The following MED13L variants were observed in gnomAD, a reference collection of about 807,000 sequenced individuals.
The protein encoded by MED13L is mediator complex subunit 13L.
MED13L carries 7 observed loss-of-function variants against 220.9 expected under a neutral mutation model. The ratio of observed to expected loss-of-function variants is 0.03; its 90% confidence interval spans 0.02 to 0.06. MED13L has a LOEUF of 0.06. Ranked by LOEUF, MED13L falls within the 10% of genes least tolerant of loss-of-function variation. The pLI, the probability that MED13L is intolerant of heterozygous loss-of-function variation, is 1.00. For synonymous variants in MED13L, 1,011 were observed against 1,015.2 expected, an observed-to-expected ratio of 1.00 and a Z score of 0.08; for missense variants, 1,965 against 2,760.5, an observed-to-expected ratio of 0.71 and a Z score of 6.46.
intron 2 of MED13L, among the ~76,000 whole-genome samples, chr12:116,222,893 G>A (rs1347569963): frequency 6.6e-6 from 1 of 152,132 alleles, no homozygotes; most frequent in Admixed American, 6.5e-5. Context: ...AGATTTCATT[G>A]AAAATGTTTG....
rs559710895 is a variant in MED13L at position 116,194,333 on chromosome 12, T to C, written c.310+43135A>G. Among the ~76,000 whole-genome samples, 3 of 152,102 alleles carry C rather than the reference T, an allele frequency of 2.0e-5. No individual in the cohort carries two copies. The East Asian group carries it at 5.8e-4, about 29-fold the overall frequency. ...GACTTGCACCACCACGCCCAGCTAA[T>C]TTTGTATTTTTAGTAGAGACAGGGT... On this transcript the variant is annotated intron_variant, in intron 2 of 30. Coordinates refer to ENST00000281928, the MANE Select transcript of MED13L (RefSeq NM_015335.5).
At position 115,958,803 on chromosome 12, in the gene MED13L, A is replaced by G. The variant is rs1875577280; in HGVS notation, c.*2463T>C. The G allele has an allele frequency of 6.6e-6, 1 of 152,588 alleles. No individual in the cohort carries two copies. Among genetic ancestry groups the G allele is most frequent in the African/African-American group, 2.4e-5 (1 of 41,444 alleles). 9.5% of individuals were successfully genotyped at this position (152,588 alleles called of 1,614,324 possible). The stretch of plus-strand genomic sequence containing the variant: ...TGTTTGCTATATATAAAAGAAGCTC[A>G]CTGCAAAATGCTTGAAGGAAAAAAG... On this transcript the variant is annotated 3_prime_UTR_variant, in exon 31 of 31. Coordinates refer to ENST00000281928, the MANE Select transcript of MED13L (RefSeq NM_015335.5).
chr12:116,189,581 A>T (rs1881133271), intron 2 of MED13L, among the ~76,000 whole-genome samples: 1 of 152,116 alleles, frequency 6.6e-6, no homozygotes, highest in Admixed American at 6.5e-5. Context: ...GATGCCAAAG[A>T]TTTCTTTTTC....
intron 4 of MED13L, among the ~76,000 whole-genome samples, chr12:116,078,260 C>T (rs1190850973): frequency 1.3e-5 from 2 of 151,794 alleles, no homozygotes; most frequent in African/African-American, 4.8e-5. Flanking sequence ...ATTCTAAATG[C>T]CAGTCTCTAT....
Position 115,993,215 on chromosome 12 carries a change from C to T in MED13L, c.2997-1258G>A, listed in dbSNP as rs1261184890. Among the ~76,000 whole-genome samples, 3 of 152,036 alleles carry T rather than the reference C, an allele frequency of 2.0e-5. No individual in the cohort carries two copies. In the East Asian group the frequency reaches 5.8e-4, roughly 29 times the overall value. On this transcript the variant is annotated intron_variant, in intron 16 of 30. Transcript: ENST00000281928. ...TCCGAGGGGGTCCTGGAATCAATCC[C>T]CCAAGGATACCAAGGGACAACTGTA...
chr12:116,277,261 G>T lies in MED13L; in HGVS notation c.-130C>A. 1 of 110,144 alleles carries T rather than the reference G, an allele frequency of 9.1e-6. No homozygotes were observed. Among genetic ancestry groups the T allele is most frequent in the Non-Finnish European group, 1.0e-5 (1 of 97,376 alleles). The allele number at this position is 110,144 out of a possible 1,614,324, so 6.8% of individuals were successfully genotyped here. On this transcript the variant is annotated 5_prime_UTR_variant, in exon 1 of 31. Coordinates refer to ENST00000281928, the MANE Select transcript of MED13L (RefSeq NM_015335.5). ...GGGCCGCCGCCGCCGCCGGGGGAGG[G>T]CGCGAGGGCCGGCGGGCAGGCGGGA...
intron 1 of MED13L, among the ~76,000 whole-genome samples, chr12:116,255,518 A>C (rs1205526086): frequency 1.3e-5 from 2 of 152,214 alleles, no homozygotes; most frequent in African/African-American, 4.8e-5. Context: ...TAAAAGTAAT[A>C]CTTGACTTAA....
At chr12:116,050,197 T>C (rs957729501) in intron 4 of MED13L, among the ~76,000 whole-genome samples, 14 of 152,194 alleles carry the variant, frequency 9.2e-5, no homozygotes, top group Admixed American at 6.5e-4. Context: ...AATTAACTCT[T>C]TAGTGGAACA....
intron 1 of MED13L, among the ~76,000 whole-genome samples, chr12:116,275,169 C>A (rs768272888): frequency 6.6e-6 from 1 of 151,924 alleles, no homozygotes; most frequent in Non-Finnish European, 1.5e-5. Flanking sequence ...AATGTGGTCA[C>A]CAGTAACCAC....
At chr12:116,001,119 T>C (rs1878713309) in intron 14 of MED13L, among the ~76,000 whole-genome samples, 1 of 152,158 alleles carries the variant, frequency 6.6e-6, no homozygotes, top group Non-Finnish European at 1.5e-5. Context: ...CACTAGAAAA[T>C]GTGAAATTGC....
intron 1 of MED13L, chr12:116,276,702 C>T: frequency 1.7e-6 from 2 of 1,194,252 alleles, no homozygotes; most frequent in South Asian, 1.7e-5. Context: ...CAAAGCCTTC[C>T]ACATTTACGG....
At chr12:116,091,935 G>T (rs1872251739) in intron 4 of MED13L, among the ~76,000 whole-genome samples, 1 of 152,070 alleles carries the variant, frequency 6.6e-6, no homozygotes, top group African/African-American at 2.4e-5. Flanking sequence ...AAATGTTGAT[G>T]ATCCCCAAGA....
intron 1 of MED13L, chr12:116,276,654 G>C: frequency 7.5e-6 from 9 of 1,195,842 alleles, no homozygotes; most frequent in Non-Finnish European, 9.5e-6. Flanking sequence ...CCAACAACGG[G>C]GGAAGAGGTT....
chr12:116,198,535 G>A (rs1201833976), intron 2 of MED13L, among the ~76,000 whole-genome samples: 3 of 152,106 alleles, frequency 2.0e-5, no homozygotes, highest in African/African-American at 7.2e-5. Context: ...GTTTAGATGT[G>A]CCTCTTCACT....
At chr12:116,031,757 AAAG>A (rs1195636775) in intron 4 of MED13L, among the ~76,000 whole-genome samples, 1 of 36,608 alleles carries the variant, frequency 2.7e-5, no homozygotes, top group Admixed American at 3.1e-4. Flanking sequence ...AAAGAAAAGA[AAAG>A]AAGGAAGGAA....
At chr12:116,220,603 G>A (rs1883253587) in intron 2 of MED13L, among the ~76,000 whole-genome samples, 2 of 152,216 alleles carry the variant, frequency 1.3e-5, no homozygotes, top group South Asian at 4.1e-4. Context: ...GGAGGCTGAG[G>A]CAGGAGAACC....
chr12:116,031,759 A>AGAAAAGAAAAGAAAGAAG (rs1592967502), intron 4 of MED13L, among the ~76,000 whole-genome samples: 30 of 40,986 alleles, frequency 7.3e-4, no homozygotes, highest in African/African-American at 8.8e-4. Flanking sequence ...AGAAAAGAAA[A>AGAAAAGAAAAGAAAGAAG]GAAGGAAGGA....
intron 1 of MED13L, chr12:116,276,575 G>A: frequency 4.9e-6 from 6 of 1,232,554 alleles, no homozygotes; most frequent in Non-Finnish European, 6.2e-6. Context: ...CTATTTTAGG[G>A]CGAAATTGCA....
intron 1 of MED13L, among the ~76,000 whole-genome samples, chr12:116,274,031 G>A (rs1216175773): frequency 6.6e-6 from 1 of 152,118 alleles, no homozygotes; most frequent in Non-Finnish European, 1.5e-5. Flanking sequence ...AAATAGTTTT[G>A]AGTCAGAAAG....
Sources: allele counts gnomAD v4.1 joint callset (sites outside exome capture counted in the v4.1 genomes callset), GRCh38; gene constraint gnomAD v4.1.1; transcripts MANE v1.5; gene names NCBI Gene and HGNC (gene_info 2026-07-23, HGNC 2026-07-21).